The following ID4 variants were observed in gnomAD, a reference collection of about 807,000 sequenced individuals.
ID4 encodes inhibitor of DNA binding 4, also known as DNA-binding protein inhibitor ID-4.
ID4 carries 9 observed loss-of-function variants against 8.6 expected under a neutral mutation model. That is an observed-to-expected ratio of 1.04 (90% CI 0.63 to 1.82). ID4 has a LOEUF of 1.82. Ranked by LOEUF, ID4 falls within the 40% of genes most tolerant of loss-of-function variation. The pLI, the probability that ID4 is intolerant of heterozygous loss-of-function variation, is 0.00. For missense variants in ID4, 270 were observed against 235.1 expected (o/e 1.15, Z -0.97); for synonymous variants, 180 against 118.0 (o/e 1.53, Z -3.41).
chr6:19,838,328 C>T (rs914070622), intron 1 of ID4, 133 bp downstream of exon 1: 12 of 1,037,794 alleles, frequency 1.2e-5, no homozygotes, highest in Middle Eastern at 3.2e-4. Flanking sequence ...CCCCCTGCTC[C>T]TCCGGGCTCC....
At position 19,839,567 on chromosome 6, in the gene ID4, G is replaced by C. The variant is rs1761312934; in HGVS notation, c.*372G>C. 1 of 152,470 alleles carries C rather than the reference G, an allele frequency of 6.6e-6. No homozygotes were observed. The highest frequency in any genetic ancestry group is 1.5e-5 in the Non-Finnish European group (1 of 68,016). The allele number at this position is 152,470 out of a possible 1,614,324, so 9.4% of individuals were successfully genotyped here. ...TAGAAGCCTACTTTGTGACCAAGGA[G>C]CTCAATTTTTGTTTTGAAGCTTTAC... On this transcript the variant is annotated 3_prime_UTR_variant, in exon 3 of 3. Transcript: ENST00000378700.
At chr6:19,838,261 G>T in intron 1 of ID4, 66 bp downstream of exon 1, 1 of 1,276,806 alleles carries the variant, frequency 7.8e-7, no homozygotes, top group South Asian at 2.3e-5. Flanking sequence ...GCGTGGTGGC[G>T]GGACGCGGGC....
At position 19,840,608 on chromosome 6, in the gene ID4, A is replaced by G. The variant is rs2113468205; in HGVS notation, c.*1413A>G. 6.5e-6 allele frequency: 1 copy of G among 152,724 alleles called. No individual in the cohort carries two copies. Among genetic ancestry groups the G allele is most frequent in the East Asian group, 1.9e-4 (1 of 5,188 alleles). 9.5% of individuals were successfully genotyped at this position (152,724 alleles called of 1,614,324 possible). ...AAATGATTTTCACTATAGCTATGTT[A>G]CGCTAAGCTACTGTCCAATCTCTTG... On this transcript the variant is annotated 3_prime_UTR_variant, in exon 3 of 3. Transcript: ENST00000378700.
intron 2 of ID4, 116 bp downstream of exon 2, chr6:19,838,758 C>T (rs1001068749): frequency 2.4e-6 from 2 of 835,850 alleles, no homozygotes; most frequent in Non-Finnish European, 3.8e-6. Flanking sequence ...GAGCAAACTC[C>T]CAAGGAAGTA....
chr6:19,838,090 G>C lies in ID4; in HGVS notation c.336G>C (p.Pro112=), dbSNP rs763844215. 1.2e-6 allele frequency: 2 copies of C among 1,602,866 alleles called. No individual in the cohort carries two copies. The highest frequency in any genetic ancestry group is 1.1e-5 in the South Asian group (1 of 89,748). The change falls in exon 1 of 3, where the codon CCG becomes CCC. Residue 112 remains proline (P), a synonymous_variant. Coordinates refer to ENST00000378700, the MANE Select transcript of ID4 (RefSeq NM_001546.4). The stretch of plus-strand genomic sequence containing the variant: ...TGCAGCTGGCGCTGGAGACGCACCC[G>C]GCCCTGCTGAGGCAGCCACCACCGC... ...LDLQLALETH[P]ALLRQPPPPA...
At position 19,838,021 on chromosome 6, in the gene ID4, C is replaced by T. The variant is rs756369232; in HGVS notation, c.267C>T (p.Ser89=). ...VPTIPPNKKV[S]KVEILQHVID... ...CCATCCCGCCCAACAAGAAAGTCAGCAAAGTGGAGATCCTGCAGCACGTTA... is the reference window on the plus strand; with the variant it reads ...CCATCCCGCCCAACAAGAAAGTCAGTAAAGTGGAGATCCTGCAGCACGTTA... Residue 89 remains serine (S), a synonymous_variant, in exon 1 of 3, where the codon AGC becomes AGT. Transcript: ENST00000378700. 1.4e-5 allele frequency: 22 copies of T among 1,605,284 alleles called. No individual in the cohort carries two copies. Among genetic ancestry groups the T allele is most frequent in the East Asian group, 2.3e-5 (1 of 44,376 alleles).
intron 2 of ID4, 187 bp from the exon 3 acceptor site, chr6:19,839,023 C>T (rs906786376): frequency 4.6e-6 from 1 of 218,950 alleles, no homozygotes; most frequent in African/African-American, 2.3e-5. Flanking sequence ...GGAGTGGGTC[C>T]CCTCTCCGGG....
chr6:19,838,234 G>T, intron 1 of ID4, 39 bp downstream of exon 1: 1 of 1,321,156 alleles, frequency 7.6e-7, no homozygotes, highest in Non-Finnish European at 9.6e-7. Context: ...GACGCCGCGG[G>T]GGATGGGAGG....
chr6:19,838,881 T>G (rs2113465646), intron 2 of ID4: 1 of 553,298 alleles, frequency 1.8e-6, no homozygotes, highest in South Asian at 2.1e-5. Context: ...GTCCCCGTGT[T>G]TTTTCTGGTG....
In ID4 at chr6:19,839,597, C is replaced by T. The variant is rs1170431688; in HGVS notation, c.*402C>T. 6.6e-6 allele frequency: 1 copy of T among 150,766 alleles called. No individual in the cohort carries two copies. Among genetic ancestry groups the T allele is most frequent in the Non-Finnish European group, 1.5e-5 (1 of 67,746 alleles). The allele number at this position is 150,766 out of a possible 1,614,324, so 9.3% of individuals were successfully genotyped here. On this transcript the variant is annotated 3_prime_UTR_variant, in exon 3 of 3. Coordinates refer to ENST00000378700, the MANE Select transcript of ID4 (RefSeq NM_001546.4). The stretch of plus-strand genomic sequence containing the variant: ...ATTTTTGTTTTGAAGCTTTACTAAT[C>T]TACCAGAGCATTGTAGATATTTTTT...
Position 19,839,692 on chromosome 6 carries a change from T to TA in ID4, c.*498dup, listed in dbSNP as rs1317708333. 1 of 152,626 alleles carries TA rather than the reference T, an allele frequency of 6.6e-6. No individual in the cohort carries two copies. Among genetic ancestry groups the TA allele is most frequent in the African/African-American group, 2.4e-5 (1 of 41,448 alleles). 9.5% of individuals were successfully genotyped at this position (152,626 alleles called of 1,614,324 possible). ...AACTTTCTTTTCTCTGCAAGAATGT[T>TA]ACATATTGTATAGATAAATGAGTGA... On this transcript the variant is annotated 3_prime_UTR_variant, in exon 3 of 3. Transcript: ENST00000378700.
intron 2 of ID4, 158 bp downstream of exon 2, chr6:19,838,800 A>G (rs1445451295): frequency 8.0e-6 from 5 of 628,636 alleles, no homozygotes; most frequent in Non-Finnish European, 1.4e-5. Context: ...CTAAGTAGCA[A>G]GTAAACCCGT....
Position 19,840,675 on chromosome 6 carries a change from CTG to C in ID4, c.*1482_*1483del, listed in dbSNP as rs1761343413. 1 of 152,302 alleles carries C rather than the reference CTG, an allele frequency of 6.6e-6. No homozygotes were observed. 9.4% of individuals were successfully genotyped at this position (152,302 alleles called of 1,614,324 possible). ...CATGTGAATATTAAAGTAGATTTCT[CTG>C]TCTTGTACTGTGATTTCTGGTCTCA... On this transcript the variant is annotated 3_prime_UTR_variant, in exon 3 of 3. Transcript: ENST00000378700.
chr6:19,840,869 T>TTCC lies in ID4; in HGVS notation c.*1674_*1675insTCC, dbSNP rs1164535039. Among the ~76,000 whole-genome samples, 1 of 152,096 alleles carries TTCC rather than the reference T, an allele frequency of 6.6e-6. No homozygotes were observed. The highest frequency in any genetic ancestry group is 1.9e-4 in the East Asian group (1 of 5,146). Reference sequence around the variant, plus strand: ...GATGGAATTTTTAGAGTGAAAGAATTAAGTAGGATTTAATTGGGTGCTTTG... The same window carrying TTCC: ...GATGGAATTTTTAGAGTGAAAGAATTTCCAAGTAGGATTTAATTGGGTGCTTTG... On this transcript the variant is annotated 3_prime_UTR_variant, in exon 3 of 3. Transcript: ENST00000378700.
chr6:19,838,014 A>C lies in ID4; in HGVS notation c.260A>C (p.Lys87Thr), dbSNP rs150285121. The C allele has an allele frequency of 2.2e-5, 35 of 1,604,530 alleles. No individual in the cohort carries two copies. The highest frequency in any genetic ancestry group is 6.8e-6 in the Non-Finnish European group (8 of 1,175,414). Residue 87 changes from lysine to threonine, a missense_variant, in exon 1 of 3, where the codon AAA becomes ACA. Lys to Thr is a moderately conservative substitution (Grantham distance 78, BLOSUM62 -1). Coordinates refer to ENST00000378700, the MANE Select transcript of ID4 (RefSeq NM_001546.4). The part of the protein sequence containing the change: ...RLVPTIPPNK[K>T]VSKVEILQHV... ...GTGCCCACCATCCCGCCCAACAAGA[A>C]AGTCAGCAAAGTGGAGATCCTGCAG... is the stretch of plus-strand genomic sequence containing the variant.
Position 19,838,213 on chromosome 6 carries a change from G to C in ID4, c.441+18G>C. The C allele has an allele frequency of 7.5e-7, 1 of 1,337,134 alleles. No individual in the cohort carries two copies. The highest frequency in any genetic ancestry group is 9.5e-7 in the Non-Finnish European group (1 of 1,050,790). 82.8% of individuals were successfully genotyped at this position (1,337,134 alleles called of 1,614,324 possible). ...CCGACCCGGTGAGAGGCCGGGCGCCGGCCGTGGGCGGACGCCGCGGGGGAT... is the reference window on the plus strand; with the variant it reads ...CCGACCCGGTGAGAGGCCGGGCGCCCGCCGTGGGCGGACGCCGCGGGGGAT... On this transcript the variant is annotated intron_variant, in intron 1 of 2. Coordinates refer to ENST00000378700, the MANE Select transcript of ID4 (RefSeq NM_001546.4).
Position 19,837,533 on chromosome 6 carries a change from C to T in ID4, c.-222C>T. ...CTTCCGGTGCTTTTGCTTTTTTTTT[C>T]CTTTGGGCTCGGGCTGAGTGTCGCC... On this transcript the variant is annotated 5_prime_UTR_variant, in exon 1 of 3. Transcript: ENST00000378700. The T allele has an allele frequency of 4.8e-6, 1 of 208,916 alleles. No individual in the cohort carries two copies. The highest frequency in any genetic ancestry group is 9.1e-6 in the Non-Finnish European group (1 of 109,944). 12.9% of individuals were successfully genotyped at this position (208,916 alleles called of 1,614,324 possible).
chr6:19,841,621 C>G lies in ID4; in HGVS notation c.*2426C>G, dbSNP rs1761360408. The stretch of plus-strand genomic sequence containing the variant: ...AACTACTGAAAGAAGAAAAGTGCTA[C>G]AGATACTACATTTCAAAGAGTTGGC... On this transcript the variant is annotated 3_prime_UTR_variant, in exon 3 of 3. Coordinates refer to ENST00000378700, the MANE Select transcript of ID4 (RefSeq NM_001546.4). 6.6e-6 allele frequency among the ~76,000 whole-genome samples: 1 copy of G among 152,166 alleles called. No individual in the cohort carries two copies. The highest frequency in any genetic ancestry group is 2.1e-4 in the South Asian group (1 of 4,834).
At chr6:19,838,261 G>C (rs1761270285) in intron 1 of ID4, 66 bp downstream of exon 1, 5 of 1,276,806 alleles carry the variant, frequency 3.9e-6, no homozygotes, top group Non-Finnish European at 5.0e-6. Flanking sequence ...GCGTGGTGGC[G>C]GGACGCGGGC....
Sources: gnomAD v4.1 joint callset for allele counts (sites outside exome capture counted in the v4.1 genomes callset) on GRCh38, gnomAD v4.1.1 for gene constraint, MANE v1.5 for transcripts, NCBI Gene and HGNC (gene_info 2026-07-23, HGNC 2026-07-21) for gene names.